PLEKHA8: variants seen among roughly 807,000 people sequenced by gnomAD.
PLEKHA8 encodes pleckstrin homology domain containing A8, also known as pleckstrin homology domain-containing family A member 8.
In PLEKHA8, 36 loss-of-function variants were observed where a neutral mutation model predicts 68.2. The ratio of observed to expected loss-of-function variants is 0.53; its 90% CI spans 0.40 to 0.70. The LOEUF is 0.70. PLEKHA8 is among the 30% of genes least tolerant of loss of function. The pLI, the probability that PLEKHA8 is intolerant of heterozygous loss-of-function variation, is 0.00. For synonymous variants in PLEKHA8, 211 were observed against 216.1 expected (o/e 0.98, Z 0.20); for missense variants, 505 against 615.4 (o/e 0.82, Z 1.90).
Position 30,109,605 on chromosome 7 carries a change from AAAAAAAAAGAGAG to A in PLEKHA8, c.1363-19659_1363-19647del, listed in dbSNP as rs1416277210. ...CTGTCTCAAAAAAAAAAAAAAAAAA[AAAAAAAAAGAGAG>A]AGAGATTAACATTGTGTAACTACAG... is the stretch of plus-strand genomic sequence containing the variant. On this transcript the variant is annotated intron_variant, in intron 13 of 13. Transcript: ENST00000396257. Among the ~76,000 whole-genome samples the A allele has an allele frequency of 2.4e-4, 34 of 140,428 alleles. 1 individual carries two copies. Among genetic ancestry groups the A allele is most frequent in the Admixed American group, 2.8e-4 (4 of 14,048 alleles). The allele number at this position is 140,428 out of a possible 152,430, so 92.1% of individuals were successfully genotyped here.
At chr7:30,099,476 G>A (rs1294407556) in intron 13 of PLEKHA8, among the ~76,000 whole-genome samples, 1 of 152,202 alleles carries the variant, frequency 6.6e-6, no homozygotes, top group African/African-American at 2.4e-5. Context: ...GTAGGTGAAG[G>A]CGAGGCACAA....
chr7:30,105,715 A>T (rs544219927), intron 13 of PLEKHA8, among the ~76,000 whole-genome samples: 1 of 152,358 alleles, frequency 6.6e-6, no homozygotes, highest in African/African-American at 2.4e-5. Flanking sequence ...GCAGCATTTC[A>T]TAAGTTTACC....
rs1447940367 is a variant in PLEKHA8, at chr7:30,082,306, TC to T, written c.*3520del. 7.1e-6 allele frequency: 7 copies of T among 985,586 alleles called. No homozygotes were observed. Among genetic ancestry groups the T allele is most frequent in the Non-Finnish European group, 8.4e-6 (7 of 830,060 alleles). The allele number at this position is 985,586 out of a possible 1,614,324, so 61.1% of individuals were successfully genotyped here. ...CTGAAAATTGCCAGCAGTACCGCCA[TC>T]AGCACACCAAATCTACCCCCACTTA... On this transcript the variant is annotated 3_prime_UTR_variant, in exon 14 of 14. Coordinates refer to ENST00000449726, the MANE Select transcript of PLEKHA8 (RefSeq NM_001197026.2).
intron 13 of PLEKHA8, among the ~76,000 whole-genome samples, chr7:30,115,623 TACATGTACACATACATGCAC>T (rs565293158): frequency 2.6e-4 from 39 of 150,906 alleles, no homozygotes; most frequent in South Asian, 8.3e-4. Context: ...CATGCACACA[TACATGTACACATACATGCAC>T]ACATGTACAC....
chr7:30,097,083 T>C (rs1562547535), intron 13 of PLEKHA8, among the ~76,000 whole-genome samples: 1 of 152,334 alleles, frequency 6.6e-6, no homozygotes, highest in South Asian at 2.1e-4. Context: ...CCTTCACTTA[T>C]GAATCTTAGT....
Position 30,084,393 on chromosome 7 carries a change from C to T in PLEKHA8, c.*5606C>T. 7.1e-6 allele frequency: 7 copies of T among 985,346 alleles called. No individual in the cohort carries two copies. The highest frequency in any genetic ancestry group is 8.4e-6 in the Non-Finnish European group (7 of 829,890). 61.0% of individuals were successfully genotyped at this position (985,346 alleles called of 1,614,324 possible). On this transcript the variant is annotated 3_prime_UTR_variant, in exon 14 of 14. Coordinates refer to ENST00000449726, the MANE Select transcript of PLEKHA8 (RefSeq NM_001197026.2). ...TAATCAGAGTAGAAGGCAAGTTAAA[C>T]TATAAAAGTGTCAAGTGGCTTGTTA...
chr7:30,078,848 A>T lies in PLEKHA8; in HGVS notation c.*61A>T. ...AAGTGCTAAAGTGTTTTGTTGCCCT[A>T]CTTAATTTCCAGCAACAGCCTCAAC... On this transcript the variant is annotated 3_prime_UTR_variant, in exon 14 of 14. Coordinates refer to ENST00000449726, the MANE Select transcript of PLEKHA8 (RefSeq NM_001197026.2). 1 of 1,555,636 alleles carries T rather than the reference A, an allele frequency of 6.4e-7. No individual in the cohort carries two copies. The highest frequency in any genetic ancestry group is 8.7e-7 in the Non-Finnish European group (1 of 1,149,864).
downstream of PLEKHA8, among the ~76,000 whole-genome samples, chr7:30,095,549 T>C (rs901674290): frequency 2.8e-4 from 42 of 152,256 alleles, no homozygotes; most frequent in African/African-American, 1.0e-3. Flanking sequence ...TTTGTCAATT[T>C]TGGCTTTTGT....
chr7:30,057,419 C>T (rs1311409339), intron 9 of PLEKHA8, among the ~76,000 whole-genome samples: 1 of 150,972 alleles, frequency 6.6e-6, no homozygotes, highest in East Asian at 1.9e-4. Context: ...TTTATTCACT[C>T]TCTTATGGAT....
intron 9 of PLEKHA8, 59 bp downstream of exon 9, chr7:30,055,401 T>C (rs545310864): frequency 1.3e-6 from 2 of 1,484,388 alleles, no homozygotes; most frequent in East Asian, 4.5e-5. Flanking sequence ...TCACTGTAGT[T>C]ATTTTGCAGG....
chr7:30,056,342 TATATA>T (rs1792912041), intron 9 of PLEKHA8, among the ~76,000 whole-genome samples: 38 of 128,406 alleles, frequency 3.0e-4, no homozygotes, highest in African/African-American at 1.0e-3. Context: ...AAATAACATA[TATATA>T]ATATATATAA....
At chr7:30,063,513 A>G (rs1032635523) in intron 12 of PLEKHA8, among the ~76,000 whole-genome samples, 2 of 152,168 alleles carry the variant, frequency 1.3e-5, no homozygotes, top group African/African-American at 4.8e-5. Flanking sequence ...GAACTGTGAC[A>G]TAAACTAATT....
chr7:30,034,940 C>G (rs1164280190), intron 1 of PLEKHA8, among the ~76,000 whole-genome samples: 1 of 152,116 alleles, frequency 6.6e-6, no homozygotes, highest in East Asian at 1.9e-4. Context: ...AACCTAAGGT[C>G]ATGAAGATTT....
intron 1 of PLEKHA8, among the ~76,000 whole-genome samples, chr7:30,029,860 G>C (rs564036183): frequency 6.6e-6 from 1 of 152,196 alleles, no homozygotes; most frequent in Non-Finnish European, 1.5e-5. Flanking sequence ...ACTTCGAGGA[G>C]GTCACACAGC....
At chr7:30,108,934 A>C (rs1439254119) in intron 13 of PLEKHA8, among the ~76,000 whole-genome samples, 1 of 152,198 alleles carries the variant, frequency 6.6e-6, no homozygotes, top group Non-Finnish European at 1.5e-5. Flanking sequence ...GCCTCCCACA[A>C]ACAAAGTTAA....
downstream of PLEKHA8, among the ~76,000 whole-genome samples, chr7:30,085,196 C>T (rs899647631): frequency 6.6e-6 from 1 of 152,170 alleles, no homozygotes; most frequent in Admixed American, 6.5e-5. Flanking sequence ...ACCTCAGCCT[C>T]TCAAAGTGTT....
intron 13 of PLEKHA8, among the ~76,000 whole-genome samples, chr7:30,116,484 G>T (rs1796568905): frequency 6.6e-6 from 1 of 151,974 alleles, no homozygotes; most frequent in Admixed American, 6.5e-5. Flanking sequence ...GAAGCTTAAG[G>T]ATAAATGAGG....
downstream of PLEKHA8, among the ~76,000 whole-genome samples, chr7:30,086,706 C>A (rs1217663430): frequency 6.6e-6 from 1 of 152,192 alleles, no homozygotes; most frequent in Non-Finnish European, 1.5e-5. Context: ...CTGTGCTCAT[C>A]TGTGCTGCAG....
intron 13 of PLEKHA8, among the ~76,000 whole-genome samples, chr7:30,106,061 T>C (rs1350866068): frequency 6.6e-6 from 1 of 151,978 alleles, no homozygotes; most frequent in Non-Finnish European, 1.5e-5. Flanking sequence ...ACATCTTTTT[T>C]TTTTTTTTTC....
Sources: gnomAD v4.1 joint callset for allele counts (sites outside exome capture counted in the v4.1 genomes callset) on GRCh38, gnomAD v4.1.1 for gene constraint, MANE v1.5 for transcripts, NCBI Gene and HGNC (gene_info 2026-07-23, HGNC 2026-07-21) for gene names.